Variants in XIRP2 observed in about 807,000 individuals in gnomAD.
XIRP2 encodes the protein xin actin-binding repeat-containing protein 2.
Under a neutral mutation model 277.0 loss-of-function variants are expected in XIRP2, and 236 were observed. That is an observed-to-expected ratio of 0.85 (90% CI 0.77 to 0.95). The LOEUF is 0.95. XIRP2 is among the 40% of genes least tolerant of loss of function. The probability of loss-of-function intolerance (pLI) is 0.00; values close to 1 mark genes in which losing one functional copy is unlikely to be tolerated. For synonymous variants in XIRP2, 1,490 were observed against 1,416.5 expected, an observed-to-expected ratio of 1.05 and a Z score of -1.17; for missense variants, 4,640 against 4,157.5, an observed-to-expected ratio of 1.12 and a Z score of -3.19.
At chr2:167,086,268 GC>G (rs1689939791) in intron 2 of XIRP2, among the ~76,000 whole-genome samples, 1 of 152,038 alleles carries the variant, frequency 6.6e-6, no homozygotes, top group African/African-American at 2.4e-5. Context: ...TTGGATATTG[GC>G]CCCCACTCTC....
chr2:166,964,456 C>T (rs1354320604), intron 2 of XIRP2, among the ~76,000 whole-genome samples: 1 of 151,750 alleles, frequency 6.6e-6, no homozygotes, highest in Non-Finnish European at 1.5e-5. Context: ...GATATTAATA[C>T]TATCACCTTA....
At chr2:167,204,122 G>T (rs771126188) in intron 3 of XIRP2, among the ~76,000 whole-genome samples, 43 of 152,152 alleles carry the variant, frequency 2.8e-4, no homozygotes, top group Non-Finnish European at 4.7e-4. Context: ...AGCACACTTC[G>T]CCTGGTTCTT....
At chr2:167,235,778 A>T (rs531490551) in intron 5 of XIRP2, among the ~76,000 whole-genome samples, 3 of 152,058 alleles carry the variant, frequency 2.0e-5, no homozygotes, top group African/African-American at 7.2e-5. Context: ...CACCTTAGAG[A>T]TGTCAAGTTG....
At position 167,218,819 on chromosome 2, in the gene XIRP2, AT is replaced by A. The variant is rs530492131; in HGVS notation, c.858+526del. Among the ~76,000 whole-genome samples the A allele has an allele frequency of 4.6e-3, 693 of 152,100 alleles. 3 individuals are homozygous for A. The highest frequency in any genetic ancestry group is 0.015 in the African/African-American group (609 of 41,490). Reference sequence around the variant, plus strand: ...GACCTCCAAATGTTATCTTATATAAATTTTTTTCCCATTTCATTGATTTCAT... The same window carrying A: ...GACCTCCAAATGTTATCTTATATAAATTTTTTCCCATTTCATTGATTTCAT... On this transcript the variant is annotated intron_variant, in intron 5 of 10. Coordinates refer to ENST00000409195, the MANE Select transcript of XIRP2 (RefSeq NM_152381.6).
intron 3 of XIRP2, among the ~76,000 whole-genome samples, chr2:167,168,068 G>A (rs1573929419): frequency 2.6e-5 from 4 of 152,140 alleles, no homozygotes; most frequent in Non-Finnish European, 4.4e-5. Flanking sequence ...CTTGCTTGCA[G>A]GGTTTCTGAT....
chr2:166,965,775 G>A (rs552400211), intron 2 of XIRP2, among the ~76,000 whole-genome samples: 1 of 151,804 alleles, frequency 6.6e-6, no homozygotes, highest in African/African-American at 2.4e-5. Flanking sequence ...TAGAGACAAA[G>A]TCTCCCTATC....
Position 167,135,927 on chromosome 2 carries a change from A to T in XIRP2, c.427A>T (p.Ser143Cys), listed in dbSNP as rs895136859. 9.4e-6 allele frequency: 15 copies of T among 1,601,848 alleles called. No homozygotes were observed. The highest frequency in any genetic ancestry group is 1.3e-5 in the Non-Finnish European group (15 of 1,174,724). The change falls in exon 3 of 11, where the codon AGT becomes TGT. Residue 143 changes from serine (S) to cysteine (C), a missense_variant. Coordinates refer to ENST00000409195, the MANE Select transcript of XIRP2 (RefSeq NM_152381.6). ...YGGKEVEIER[S>C]LCSPAFKSHP... ...GTAACAGGAAGTGGAAATTGAGCGA[A>T]GTTTGTGCTCGCCAGCTTTTAAGAG...
chr2:167,131,919 C>A (rs1691388780), intron 2 of XIRP2, among the ~76,000 whole-genome samples: 1 of 152,148 alleles, frequency 6.6e-6, no homozygotes, highest in Admixed American at 6.5e-5. Flanking sequence ...ATTTTGACAT[C>A]ATTTAATAGC....
chr2:167,087,737 G>A (rs368063361), intron 2 of XIRP2, among the ~76,000 whole-genome samples: 13 of 151,736 alleles, frequency 8.6e-5, no homozygotes, highest in South Asian at 4.1e-4. Context: ...TCTTTGACTC[G>A]GAAAGGGAAC....
At chr2:167,139,909 C>A (rs896787468) in intron 3 of XIRP2, among the ~76,000 whole-genome samples, 44 of 152,142 alleles carry the variant, frequency 2.9e-4, no homozygotes, top group African/African-American at 1.0e-3. Context: ...TGTAAATCGT[C>A]ATGATATTGG....
intron 3 of XIRP2, among the ~76,000 whole-genome samples, chr2:167,170,637 A>G (rs73023903): frequency 0.099 from 15,005 of 152,090 alleles, 793 homozygotes; most frequent in South Asian, 0.16. Flanking sequence ...AAAATCTGCA[A>G]TATCTGTAGT....
At chr2:167,186,421 C>G (rs1347645906) in intron 3 of XIRP2, among the ~76,000 whole-genome samples, 1 of 152,106 alleles carries the variant, frequency 6.6e-6, no homozygotes, top group Non-Finnish European at 1.5e-5. Flanking sequence ...GTATATAGGT[C>G]AGGTGTTTCT....
intron 2 of XIRP2, among the ~76,000 whole-genome samples, chr2:166,980,794 G>A (rs930667237): frequency 1.3e-5 from 2 of 151,842 alleles, no homozygotes; most frequent in African/African-American, 4.8e-5. Context: ...TTTGATTATT[G>A]GTTTTCTATT....
chr2:166,987,231 T>C (rs1046421138), intron 2 of XIRP2, among the ~76,000 whole-genome samples: 1 of 152,152 alleles, frequency 6.6e-6, no homozygotes, highest in Non-Finnish European at 1.5e-5. Flanking sequence ...CTTTTGTCAG[T>C]TCTGAGTAGT....
At chr2:167,087,803 C>T (rs373842146) in intron 2 of XIRP2, among the ~76,000 whole-genome samples, 11 of 151,484 alleles carry the variant, frequency 7.3e-5, no homozygotes, top group South Asian at 2.1e-4. Flanking sequence ...CTTCGGCTCG[C>T]GCACGGTGCG....
At chr2:167,141,214 G>A (rs1691708602) in intron 3 of XIRP2, among the ~76,000 whole-genome samples, 2 of 152,140 alleles carry the variant, frequency 1.3e-5, no homozygotes, top group Admixed American at 6.6e-5. Context: ...TATTCTGACT[G>A]TAGAATGTCA....
intron 2 of XIRP2, among the ~76,000 whole-genome samples, chr2:166,922,834 T>A (rs899194303): frequency 1.1e-4 from 17 of 151,252 alleles, no homozygotes; most frequent in African/African-American, 3.9e-4. Context: ...TTTTTTTTTT[T>A]TAAAGAAAGG....
rs548477061 is a variant in XIRP2, at chr2:167,184,258, C to T, written c.563-26477C>T. 5.9e-5 allele frequency among the ~76,000 whole-genome samples: 9 copies of T among 152,278 alleles called. No individual in the cohort carries two copies. The South Asian group carries it at 1.9e-3, about 32-fold the overall frequency. ...TTTCTAAAGACAAGCAGTTGTTGCACATTATTTTAGAGTCAGTATCCCTGT... is the reference window on the plus strand; with the variant it reads ...TTTCTAAAGACAAGCAGTTGTTGCATATTATTTTAGAGTCAGTATCCCTGT... On this transcript the variant is annotated intron_variant, in intron 3 of 10. Coordinates refer to ENST00000409195, the MANE Select transcript of XIRP2 (RefSeq NM_152381.6).
chr2:167,106,416 G>T (rs1391488197), intron 2 of XIRP2, among the ~76,000 whole-genome samples: 3 of 151,618 alleles, frequency 2.0e-5, no homozygotes, highest in African/African-American at 7.3e-5. Flanking sequence ...TACTGAAAAG[G>T]TTAAAAGTCG....
Sources: allele counts gnomAD v4.1 joint callset (sites outside exome capture counted in the v4.1 genomes callset), GRCh38; gene constraint gnomAD v4.1.1; transcripts MANE v1.5; gene names NCBI Gene and HGNC (gene_info 2026-07-23, HGNC 2026-07-21).